AKAIN1: variants seen among roughly 807,000 people sequenced by gnomAD.
AKAIN1 encodes the protein A-kinase anchor protein inhibitor 1.
A neutral mutation model predicts 3.7 loss-of-function variants in AKAIN1; 3 were observed. The ratio of observed to expected loss-of-function variants is 0.82; its 90% CI spans 0.37 to 2.12. AKAIN1 has a LOEUF of 2.12. Ranked by LOEUF, AKAIN1 falls within the 30% of genes most tolerant of loss-of-function variation. AKAIN1 has a pLI of 0.06. For missense variants in AKAIN1, 82 were observed against 82.7 expected, an observed-to-expected ratio of 0.99 and a Z score of 0.03; for synonymous variants, 31 against 30.8, an observed-to-expected ratio of 1.01 and a Z score of -0.02.
At chr18:5,188,887 T>C (rs546218594) in intron 1 of AKAIN1, among the ~76,000 whole-genome samples, 1 of 152,154 alleles carries the variant, frequency 6.6e-6, no homozygotes, top group African/African-American at 2.4e-5. Flanking sequence ...TGAACTTGGG[T>C]CTCCTCTCTC....
chr18:5,196,018 C>T (rs2071345277), intron 1 of AKAIN1, among the ~76,000 whole-genome samples: 1 of 151,148 alleles, frequency 6.6e-6, no homozygotes, highest in Admixed American at 6.6e-5. Flanking sequence ...AGACTCAATT[C>T]TTCCCTTTAA....
chr18:5,168,221 G>T (rs1218172962), intron 1 of AKAIN1, among the ~76,000 whole-genome samples: 2 of 152,064 alleles, frequency 1.3e-5, no homozygotes, highest in African/African-American at 2.4e-5. Flanking sequence ...AAAGAGACGA[G>T]GCTAACTTGA....
intron 1 of AKAIN1, among the ~76,000 whole-genome samples, chr18:5,185,181 A>G (rs2071279849): frequency 6.6e-6 from 1 of 152,126 alleles, no homozygotes; most frequent in Non-Finnish European, 1.5e-5. Flanking sequence ...CTTGCATTAT[A>G]TAAAAAATCA....
Position 5,197,157 on chromosome 18 carries a change from T to C in AKAIN1, c.-104A>G, listed in dbSNP as rs1400253714. ...CGGGGTCCGGTGCAGGAGGGCGCGC[T>C]GGGCGGGCGGCGGGCGGGGCGGTCA... On this transcript the variant is annotated 5_prime_UTR_variant, in exon 1 of 2. Coordinates refer to ENST00000434239, the MANE Select transcript of AKAIN1 (RefSeq NM_001145194.2). The surrounding 1 kb of genome is among the most constrained non-coding windows in gnomAD (Gnocchi z 6.9). 6 of 1,521,766 alleles carry C rather than the reference T, an allele frequency of 3.9e-6. No homozygotes were observed. The highest frequency in any genetic ancestry group is 3.6e-5 in the South Asian group (3 of 82,266). The allele number at this position is 1,521,766 out of a possible 1,614,324, so 94.3% of individuals were successfully genotyped here.
intron 1 of AKAIN1, among the ~76,000 whole-genome samples, chr18:5,184,430 T>C (rs1019583555): frequency 6.6e-6 from 1 of 152,018 alleles, no homozygotes; most frequent in African/African-American, 2.4e-5. Flanking sequence ...TATGATTCTA[T>C]CCCTAGAAAA....
intron 1 of AKAIN1, among the ~76,000 whole-genome samples, chr18:5,164,609 T>C (rs1309112664): frequency 6.6e-6 from 1 of 152,020 alleles, no homozygotes; most frequent in African/African-American, 2.4e-5. Flanking sequence ...GGACGACAGA[T>C]AACACCTCTG....
chr18:5,188,796 A>G (rs2143030257), intron 1 of AKAIN1, among the ~76,000 whole-genome samples: 1 of 152,122 alleles, frequency 6.6e-6, no homozygotes. Flanking sequence ...CCCCTACCCA[A>G]TATAAACCCC....
At chr18:5,152,857 C>A (rs373060474) in intron 1 of AKAIN1, among the ~76,000 whole-genome samples, 1 of 152,158 alleles carries the variant, frequency 6.6e-6, no homozygotes, top group South Asian at 2.1e-4. Flanking sequence ...CGGGCGATGG[C>A]GCTGAAGAAA....
rs545683383 is a variant in AKAIN1 at position 5,165,207 on chromosome 18, C to G, written c.17-19452G>C. 2.6e-5 allele frequency among the ~76,000 whole-genome samples: 4 copies of G among 152,028 alleles called. No individual in the cohort carries two copies. The South Asian group carries it at 6.2e-4, about 24-fold the overall frequency. ...AAACATTCTATTGGAATGTTTCAAC[C>G]TGCATCTTCTACTTATTAAGGGGAG... On this transcript the variant is annotated intron_variant, in intron 1 of 1. Transcript: ENST00000434239.
chr18:5,193,399 T>A (rs1487946097), intron 1 of AKAIN1, among the ~76,000 whole-genome samples: 1 of 152,216 alleles, frequency 6.6e-6, no homozygotes, highest in Non-Finnish European at 1.5e-5. Flanking sequence ...GACTAATCCC[T>A]GAATTATATA....
At position 5,143,282 on chromosome 18, in the gene AKAIN1, C is replaced by T. The variant is rs2071031176; in HGVS notation, c.*2280G>A. On this transcript the variant is annotated 3_prime_UTR_variant, in exon 2 of 2. Coordinates refer to ENST00000434239, the MANE Select transcript of AKAIN1 (RefSeq NM_001145194.2). Reference sequence around the variant, plus strand: ...TCGTTTGTTTTTATGACTGAGCTTTCTTAGAATTTTGCCAATATGGCACCT... The same window carrying T: ...TCGTTTGTTTTTATGACTGAGCTTTTTTAGAATTTTGCCAATATGGCACCT... 6.6e-6 allele frequency among the ~76,000 whole-genome samples: 1 copy of T among 152,158 alleles called. No individual in the cohort carries two copies. Among genetic ancestry groups the T allele is most frequent in the African/African-American group, 2.4e-5 (1 of 41,432 alleles).
rs1174671765 is a variant in AKAIN1, at chr18:5,197,007, A to G, written c.16+31T>C. The G allele has an allele frequency of 2.0e-6, 3 of 1,534,886 alleles. No individual in the cohort carries two copies. Among genetic ancestry groups the G allele is most frequent in the Non-Finnish European group, 2.7e-6 (3 of 1,131,760 alleles). On this transcript the variant is annotated intron_variant, in intron 1 of 1. Transcript: ENST00000434239. The surrounding 1 kb of genome is among the most constrained non-coding windows in gnomAD (Gnocchi z 6.9). ...GTCCTCTACCCTGCTCCCCTCCTAGACACTTGGTGAAAAAGCAAGGTGCGG... is the reference window on the plus strand; with the variant it reads ...GTCCTCTACCCTGCTCCCCTCCTAGGCACTTGGTGAAAAAGCAAGGTGCGG...
intron 1 of AKAIN1, among the ~76,000 whole-genome samples, chr18:5,196,653 G>A (rs190599274): frequency 2.3e-4 from 35 of 152,316 alleles, no homozygotes; most frequent in Admixed American, 5.9e-4. Flanking sequence ...AGCAGTGAGG[G>A]AGATTCCCAC....
At chr18:5,192,992 A>T (rs1567881211) in intron 1 of AKAIN1, among the ~76,000 whole-genome samples, 1 of 152,188 alleles carries the variant, frequency 6.6e-6, no homozygotes, top group Non-Finnish European at 1.5e-5. Flanking sequence ...TGCTAACAGA[A>T]AAGAATTTTT....
chr18:5,161,175 T>C (rs143743788), intron 1 of AKAIN1, among the ~76,000 whole-genome samples: 1,738 of 152,206 alleles, frequency 0.011, 31 homozygotes, highest in African/African-American at 0.037. Context: ...TATTTTGTTC[T>C]TCGGCTCCAT....
chr18:5,183,113 G>A (rs1217591022), intron 1 of AKAIN1, among the ~76,000 whole-genome samples: 1 of 152,004 alleles, frequency 6.6e-6, no homozygotes, highest in African/African-American at 2.4e-5. Context: ...CAGGCATTTA[G>A]AGCCTCACTT....
At chr18:5,151,246 G>A (rs1389393087) in intron 1 of AKAIN1, among the ~76,000 whole-genome samples, 2 of 152,170 alleles carry the variant, frequency 1.3e-5, no homozygotes, top group East Asian at 3.9e-4. Context: ...TCAATGATGA[G>A]CACATGGAAC....
chr18:5,164,063 G>C (rs975512461), intron 1 of AKAIN1, among the ~76,000 whole-genome samples: 5 of 152,078 alleles, frequency 3.3e-5, no homozygotes, highest in Admixed American at 6.6e-5. Context: ...ATATATCATA[G>C]GTAGCTCTTA....
chr18:5,145,843 G>A, intron 1 of AKAIN1, 88 bp from the exon 2 acceptor site: 1 of 1,124,740 alleles, frequency 8.9e-7, no homozygotes, highest in Non-Finnish European at 1.3e-6. Context: ...AGATGGGAGG[G>A]AAGAGTGAGA....
Sources: allele counts gnomAD v4.1 joint callset (sites outside exome capture counted in the v4.1 genomes callset), GRCh38; gene constraint gnomAD v4.1.1; non-coding constraint Gnocchi (gnomAD v3.1); transcripts MANE v1.5; gene names NCBI Gene and HGNC (gene_info 2026-07-23, HGNC 2026-07-21).